The following CHCHD6 variants were observed in gnomAD, a reference collection of about 807,000 sequenced individuals.
The protein encoded by CHCHD6 is MICOS complex subunit MIC25.
A neutral mutation model predicts 32.3 loss-of-function variants in CHCHD6; 28 were observed. That is an observed-to-expected ratio of 0.87 (90% CI 0.64 to 1.19). The LOEUF is 1.19. CHCHD6 is among the 50% of genes most tolerant of loss of function. CHCHD6 has a pLI of 0.00. For synonymous variants in CHCHD6, 122 were observed against 117.5 expected (o/e 1.04, Z -0.25); for missense variants, 333 against 307.0 (o/e 1.08, Z -0.63).
chr3:126,960,331 C>G lies in CHCHD6; in HGVS notation c.*130C>G. 2 of 1,076,604 alleles carry G rather than the reference C, an allele frequency of 1.9e-6. No individual in the cohort carries two copies. Among genetic ancestry groups the G allele is most frequent in the Admixed American group, 2.1e-5 (1 of 48,318 alleles). 66.7% of individuals were successfully genotyped at this position (1,076,604 alleles called of 1,614,324 possible). A position where few individuals can be genotyped will look rare whatever the true frequency, so the allele number is the denominator to read the frequency against. ...GCATATGCCCCTGAGCCTGGGGCTG[C>G]CACGTGTTTAGGAAACAAAGTATGC... On this transcript the variant is annotated 3_prime_UTR_variant, in exon 8 of 8. Transcript: ENST00000290913.
At chr3:126,919,414 A>G (rs1370241960) in intron 6 of CHCHD6, among the ~76,000 whole-genome samples, 1 of 151,414 alleles carries the variant, frequency 6.6e-6, no homozygotes, top group Non-Finnish European at 1.5e-5. Context: ...CCTGGGCTCA[A>G]GAGATTCTCC....
rs1168488920 is a variant in CHCHD6, at chr3:126,897,922, A to G, written c.496-16758A>G. 2.6e-5 allele frequency among the ~76,000 whole-genome samples: 4 copies of G among 152,206 alleles called. No individual in the cohort carries two copies. In the South Asian group the frequency reaches 8.3e-4, roughly 31 times the overall value. On this transcript the variant is annotated intron_variant, in intron 5 of 7. Coordinates refer to ENST00000290913, the MANE Select transcript of CHCHD6 (RefSeq NM_032343.3). ...TTCTACCAACTGGGATTGTGGCCCT[A>G]GATGAGTCTTTCAGCCTCAGTCTCT...
At chr3:126,767,126 T>A in intron 4 of CHCHD6, 1 of 1,536,816 alleles carries the variant, frequency 6.5e-7, no homozygotes, top group East Asian at 2.2e-5. Flanking sequence ...GTGTCCCAGC[T>A]GACCATATTC....
At chr3:126,949,749 G>A (rs890667162) in intron 6 of CHCHD6, 1 of 190,426 alleles carries the variant, frequency 5.3e-6, no homozygotes, top group Non-Finnish European at 1.1e-5. Context: ...TTGGATAGAA[G>A]GGAAGGGTGC....
chr3:126,801,553 G>A (rs1160872070), intron 4 of CHCHD6, among the ~76,000 whole-genome samples: 1 of 152,236 alleles, frequency 6.6e-6, no homozygotes. Flanking sequence ...AAACAAAGCA[G>A]CCAGGAACCT....
At chr3:126,865,610 T>C in intron 5 of CHCHD6, 1 of 985,360 alleles carries the variant, frequency 1.0e-6, no homozygotes, top group Non-Finnish European at 1.2e-6. Flanking sequence ...CCTTCACTGC[T>C]ACCACCATTT....
chr3:126,862,138 T>A (rs1445702985), intron 5 of CHCHD6, among the ~76,000 whole-genome samples: 18 of 21,584 alleles, frequency 8.3e-4, no homozygotes, highest in African/African-American at 3.2e-3. Flanking sequence ...CTCCCCCTCC[T>A]CCACCATCAC....
At chr3:126,767,625 T>A (rs1307961046) in intron 4 of CHCHD6, 1 of 315,018 alleles carries the variant, frequency 3.2e-6, no homozygotes, top group Non-Finnish European at 5.9e-6. Context: ...TCAGGGGTGC[T>A]TGTGAAGGTT....
At chr3:126,800,981 T>G (rs762816541) in intron 4 of CHCHD6, among the ~76,000 whole-genome samples, 3 of 152,252 alleles carry the variant, frequency 2.0e-5, no homozygotes, top group Admixed American at 6.5e-5. Context: ...TATTGCTTCA[T>G]TCTTAACTAT....
chr3:126,909,754 A>G (rs993366190), intron 5 of CHCHD6, among the ~76,000 whole-genome samples: 1 of 152,194 alleles, frequency 6.6e-6, no homozygotes, highest in Non-Finnish European at 1.5e-5. Context: ...TCACCCAGAA[A>G]TAATAGTCCC....
intron 5 of CHCHD6, among the ~76,000 whole-genome samples, chr3:126,897,260 T>C (rs2077854214): frequency 6.6e-6 from 1 of 152,212 alleles, no homozygotes. Context: ...ATTAATCCTC[T>C]TTCTATCTCT....
At chr3:126,843,501 G>T (rs1941181935) in intron 4 of CHCHD6, among the ~76,000 whole-genome samples, 1 of 151,972 alleles carries the variant, frequency 6.6e-6, no homozygotes, top group African/African-American at 2.4e-5. Context: ...AATTCTTTGG[G>T]GTAAGGCTTA....
At chr3:126,808,252 G>A (rs551552053) in intron 4 of CHCHD6, among the ~76,000 whole-genome samples, 41 of 152,304 alleles carry the variant, frequency 2.7e-4, no homozygotes, top group African/African-American at 9.9e-4. Flanking sequence ...TCATCAGAGT[G>A]AGAAAGAGAG....
intron 4 of CHCHD6, among the ~76,000 whole-genome samples, chr3:126,778,309 T>G (rs575000291): frequency 6.6e-6 from 1 of 152,226 alleles, no homozygotes; most frequent in East Asian, 1.9e-4. Context: ...TTGGATCAAA[T>G]AGTAACTCTA....
At chr3:126,848,629 A>T (rs929213901) in intron 4 of CHCHD6, among the ~76,000 whole-genome samples, 8 of 152,250 alleles carry the variant, frequency 5.3e-5, no homozygotes, top group African/African-American at 1.9e-4. Flanking sequence ...AGCTATGTAG[A>T]TGAAGAGATC....
At position 126,753,094 on chromosome 3, in the gene CHCHD6, C is replaced by T. The variant is rs539952036; in HGVS notation, c.411+19872C>T. On this transcript the variant is annotated intron_variant, in intron 4 of 7. Transcript: ENST00000290913. ...TTGGTAGCTGGTGGCACCCTTCAAG[C>T]GCCTTTTCCTTGGCTGCTTTTTGTA... Among the ~76,000 whole-genome samples the T allele has an allele frequency of 6.3e-4, 96 of 152,154 alleles. 1 individual carries two copies. The highest frequency in any genetic ancestry group is 2.0e-3 in the African/African-American group (84 of 41,520).
chr3:126,734,049 A>G (rs1464386065), intron 4 of CHCHD6, among the ~76,000 whole-genome samples: 3 of 152,162 alleles, frequency 2.0e-5, no homozygotes, highest in Non-Finnish European at 2.9e-5. Context: ...CCTCAGTAGA[A>G]GAAGAGAGGC....
intron 6 of CHCHD6, among the ~76,000 whole-genome samples, chr3:126,915,301 CCT>C (rs1427575037): frequency 6.6e-6 from 1 of 152,220 alleles, no homozygotes; most frequent in Admixed American, 6.5e-5. Flanking sequence ...CATTCTGTCC[CCT>C]GTCTGTGGTG....
intron 4 of CHCHD6, among the ~76,000 whole-genome samples, chr3:126,849,838 A>T (rs768282371): frequency 1.8e-4 from 27 of 152,174 alleles, no homozygotes; most frequent in Non-Finnish European, 3.2e-4. Flanking sequence ...TGTCTGTCAC[A>T]TAGAGGTGTC....
Sources: allele counts gnomAD v4.1 joint callset (sites outside exome capture counted in the v4.1 genomes callset), GRCh38; gene constraint gnomAD v4.1.1; transcripts MANE v1.5; gene names NCBI Gene and HGNC (gene_info 2026-07-23, HGNC 2026-07-21).